The following MAP3K5 variants were observed in gnomAD, a reference collection of about 807,000 sequenced individuals.
The protein encoded by MAP3K5 is mitogen-activated protein kinase kinase kinase 5.
A neutral mutation model predicts 158.7 loss-of-function variants in MAP3K5; 56 were observed. The observed-to-expected ratio is 0.35, with a 90% CI of 0.28 to 0.44. MAP3K5 has a LOEUF of 0.44. Ranked by LOEUF, MAP3K5 falls within the 20% of genes least tolerant of loss-of-function variation. MAP3K5 has a pLI of 1.00. For synonymous variants in MAP3K5, 579 were observed against 601.7 expected (o/e 0.96, Z 0.55); for missense variants, 1,294 against 1,674.8 (o/e 0.77, Z 3.97).
chr6:136,721,097 AAAG>A (rs1394735840), intron 1 of MAP3K5, among the ~76,000 whole-genome samples: 1 of 151,988 alleles, frequency 6.6e-6, no homozygotes, highest in Non-Finnish European at 1.5e-5. Context: ...CATTTTTTTT[AAAG>A]AAGAAGGAGA....
At chr6:136,672,552 C>T (rs1779527918) in intron 7 of MAP3K5, among the ~76,000 whole-genome samples, 1 of 152,160 alleles carries the variant, frequency 6.6e-6, no homozygotes, top group South Asian at 2.1e-4. Flanking sequence ...GTTTTCTTCA[C>T]AGGACATTCG....
At chr6:136,575,144 A>T (rs1465744558) in intron 25 of MAP3K5, among the ~76,000 whole-genome samples, 2 of 151,488 alleles carry the variant, frequency 1.3e-5, no homozygotes, top group Non-Finnish European at 2.9e-5. Flanking sequence ...CCAGGAAATT[A>T]ACATTGATAC....
chr6:136,619,654 G>C (rs749797855), intron 15 of MAP3K5, among the ~76,000 whole-genome samples: 10 of 152,188 alleles, frequency 6.6e-5, no homozygotes, highest in Non-Finnish European at 1.3e-4. Context: ...CTCAAAGAAG[G>C]ATGGACTAGG....
intron 1 of MAP3K5, among the ~76,000 whole-genome samples, chr6:136,746,793 G>A (rs1046072329): frequency 1.3e-5 from 2 of 152,186 alleles, no homozygotes; most frequent in African/African-American, 2.4e-5. Flanking sequence ...GGTGGCCTTG[G>A]TTTGAACACC....
chr6:136,725,767 C>T (rs1300381852), intron 1 of MAP3K5, among the ~76,000 whole-genome samples: 4 of 152,026 alleles, frequency 2.6e-5, no homozygotes, highest in African/African-American at 4.8e-5. Flanking sequence ...AAAATCTTTG[C>T]GTAACCCAAG....
intron 1 of MAP3K5, among the ~76,000 whole-genome samples, chr6:136,746,298 G>A (rs986889928): frequency 1.3e-5 from 2 of 151,630 alleles, no homozygotes; most frequent in African/African-American, 4.9e-5. Context: ...GGGGGGGGCA[G>A]GAAAATACAA....
intron 7 of MAP3K5, among the ~76,000 whole-genome samples, chr6:136,680,146 A>C (rs1779870443): frequency 6.6e-6 from 1 of 152,188 alleles, no homozygotes; most frequent in African/African-American, 2.4e-5. Context: ...TTATAGAAAG[A>C]CAGAAAGTAA....
intron 14 of MAP3K5, among the ~76,000 whole-genome samples, chr6:136,630,059 AC>A (rs905870414): frequency 3.9e-5 from 6 of 151,994 alleles, no homozygotes; most frequent in Non-Finnish European, 8.8e-5. Flanking sequence ...CCTAAATCTT[AC>A]CTTCTTAATG....
At chr6:136,718,693 C>A (rs1407233952) in intron 2 of MAP3K5, among the ~76,000 whole-genome samples, 1 of 152,176 alleles carries the variant, frequency 6.6e-6, no homozygotes, top group Non-Finnish European at 1.5e-5. Flanking sequence ...GTTTATTTGT[C>A]CCGGACATAT....
At chr6:136,625,012 G>C (rs1356183904) in intron 14 of MAP3K5, among the ~76,000 whole-genome samples, 1 of 152,200 alleles carries the variant, frequency 6.6e-6, no homozygotes, top group East Asian at 1.9e-4. Flanking sequence ...AAAGAGTAAA[G>C]GTGACTGCAG....
chr6:136,717,063 T>C (rs1332625771), intron 2 of MAP3K5, among the ~76,000 whole-genome samples: 2 of 151,818 alleles, frequency 1.3e-5, no homozygotes, highest in African/African-American at 4.8e-5. Context: ...GAGGCGGAGG[T>C]TGCAGTGAGC....
intron 10 of MAP3K5, among the ~76,000 whole-genome samples, chr6:136,652,776 G>A (rs1366346584): frequency 6.6e-6 from 1 of 152,182 alleles, no homozygotes; most frequent in Non-Finnish European, 1.5e-5. Context: ...TCCCTAACTT[G>A]AGACAGGAAA....
At chr6:136,774,389 C>T (rs371118441) in intron 1 of MAP3K5, among the ~76,000 whole-genome samples, 9 of 152,102 alleles carry the variant, frequency 5.9e-5, no homozygotes, top group Admixed American at 2.0e-4. Context: ...AAGGAGGTTA[C>T]GGCTGCAGTG....
intron 11 of MAP3K5, among the ~76,000 whole-genome samples, chr6:136,645,141 C>T (rs974332567): frequency 3.3e-5 from 5 of 152,060 alleles, no homozygotes; most frequent in East Asian, 1.9e-4. Flanking sequence ...CTACATTGCT[C>T]AGGCTGGTCT....
At chr6:136,620,916 C>T (rs370127530) in intron 15 of MAP3K5, among the ~76,000 whole-genome samples, 7 of 152,208 alleles carry the variant, frequency 4.6e-5, no homozygotes, top group East Asian at 1.9e-4. Context: ...ATCACCAGAG[C>T]GCTTCAGTTT....
chr6:136,663,180 T>C (rs1218929186), intron 8 of MAP3K5, among the ~76,000 whole-genome samples: 1 of 152,214 alleles, frequency 6.6e-6, no homozygotes, highest in East Asian at 1.9e-4. Flanking sequence ...CAGAGAGGAT[T>C]GCAACATGTC....
intron 1 of MAP3K5, among the ~76,000 whole-genome samples, chr6:136,731,689 A>G (rs1415481694): frequency 6.6e-6 from 1 of 152,218 alleles, no homozygotes; most frequent in African/African-American, 2.4e-5. Flanking sequence ...GCTTACCACA[A>G]GGATTATAAA....
At chr6:136,621,572 T>C (rs143749872) in intron 15 of MAP3K5, among the ~76,000 whole-genome samples, 17 of 151,786 alleles carry the variant, frequency 1.1e-4, no homozygotes, top group Non-Finnish European at 2.1e-4. Context: ...AGGGGAAGAG[T>C]TCGACAGGTC....
At chr6:136,655,794 G>A (rs1161576003) in intron 10 of MAP3K5, among the ~76,000 whole-genome samples, 1 of 152,026 alleles carries the variant, frequency 6.6e-6, no homozygotes, top group Non-Finnish European at 1.5e-5. Context: ...AAAATGAGCT[G>A]CAGACCAGAA....
Sources: allele counts gnomAD v4.1 joint callset (sites outside exome capture counted in the v4.1 genomes callset), GRCh38; gene constraint gnomAD v4.1.1; transcripts MANE v1.5; gene names NCBI Gene and HGNC (gene_info 2026-07-23, HGNC 2026-07-21).